Variants in PCDHA7 observed in about 807,000 individuals in gnomAD.
PCDHA7 encodes the protein protocadherin alpha 7.
In PCDHA7, 37 loss-of-function variants were observed where a neutral mutation model predicts 57.2. The ratio of observed to expected loss-of-function variants is 0.65; its 90% CI spans 0.50 to 0.85. The LOEUF (loss-of-function observed/expected upper bound fraction) is 0.85, where lower values mean the gene tolerates loss of function less well. Ranked by LOEUF, PCDHA7 falls within the 40% of genes least tolerant of loss-of-function variation. The pLI is 0.00. For missense variants in PCDHA7, 1,188 were observed against 1,241.8 expected (o/e 0.96, Z 0.65); for synonymous variants, 553 against 558.8 (o/e 0.99, Z 0.15).
chr5:140,921,932 TAATTTTACACTTGTAA>T (rs781950121), intron 1 of PCDHA7, among the ~76,000 whole-genome samples: 10 of 152,080 alleles, frequency 6.6e-5, no homozygotes, highest in Non-Finnish European at 1.5e-4. Flanking sequence ...ATAGTCAATA[TAATTTTACACTTGTAA>T]AATCCCAGAA....
Position 140,835,866 on chromosome 5 carries a change from G to T in PCDHA7, c.1483G>T (p.Val495Leu), listed in dbSNP as rs2150246890. ...QKNALVSYSL[V>L]ELRVGERALS... ...GAACGCGCTGGTGTCCTACTCGCTG[G>T]TGGAGCTGCGGGTGGGCGAGCGCGC... Residue 495 changes from valine (V) to leucine (L), a missense_variant, in exon 1 of 4, where the codon GTG becomes TTG. By Grantham distance (32) the Val-to-Leu change is conservative. Coordinates refer to ENST00000525929, the MANE Select transcript of PCDHA7 (RefSeq NM_018910.3). 1.9e-6 allele frequency: 3 copies of T among 1,612,132 alleles called. No homozygotes were observed. The highest frequency in any genetic ancestry group is 3.3e-5 in the Admixed American group (2 of 60,002).
intron 1 of PCDHA7, among the ~76,000 whole-genome samples, chr5:140,948,147 A>T (rs2094217534): frequency 6.6e-6 from 1 of 151,572 alleles, no homozygotes; most frequent in African/African-American, 2.4e-5. Context: ...TGATTTTTGA[A>T]TGTTGGAAAA....
rs2150360253 is a variant in PCDHA7, at chr5:140,843,448, C to T, written c.2355+6710C>T. ...TCATCGCCATCTGCGCGGTATCCAGCCTGCTGGTGCTCACGCTGCTGCTGT... is the reference window on the plus strand; with the variant it reads ...TCATCGCCATCTGCGCGGTATCCAGTCTGCTGGTGCTCACGCTGCTGCTGT... On this transcript the variant is annotated intron_variant, in intron 1 of 3. Transcript: ENST00000525929. The T allele has an allele frequency of 1.9e-6, 3 of 1,595,998 alleles. No homozygotes were observed. The South Asian group carries it at 3.3e-5, about 18-fold the overall frequency.
At chr5:140,987,262 G>A (rs563934474) in intron 3 of PCDHA7, among the ~76,000 whole-genome samples, 1 of 151,978 alleles carries the variant, frequency 6.6e-6, no homozygotes, top group South Asian at 2.1e-4. Context: ...TCTCAGGAAT[G>A]GGACCCGGCA....
In PCDHA7 at chr5:140,914,736, T is replaced by C. The variant is rs76155363; in HGVS notation, c.2356-64213T>C. Among the ~76,000 whole-genome samples, 1,216 of 152,300 alleles carry C rather than the reference T, an allele frequency of 8.0e-3. 6 individuals are homozygous for C. Among genetic ancestry groups the C allele is most frequent in the African/African-American group, 0.019 (785 of 41,570 alleles). On this transcript the variant is annotated intron_variant, in intron 1 of 3. Transcript: ENST00000525929. ...TTTTTTATTTTTTGTGTATCCATTG[T>C]ATGTTTTTCCATTTGAGGTTACATG...
rs57893927 is a variant in PCDHA7 at position 140,946,631 on chromosome 5, T to TATATATATATATACACAC, written c.2356-32317_2356-32316insTATATATATATACACACA. ...TGTGAAATATATATATATATATATA[T>TATATATATATATACACAC]ACAATGGAATACTCATCAGCCATTA... On this transcript the variant is annotated intron_variant, in intron 1 of 3. Transcript: ENST00000525929. Among the ~76,000 whole-genome samples the TATATATATATATACACAC allele has an allele frequency of 9.9e-5, 13 of 131,856 alleles. 1 individual carries two copies. The East Asian group carries it at 2.7e-3, about 27-fold the overall frequency. 86.5% of individuals were successfully genotyped at this position (131,856 alleles called of 152,430 possible). A position where few individuals can be genotyped will look rare whatever the true frequency, so the allele number is the denominator to read the frequency against.
intron 3 of PCDHA7, among the ~76,000 whole-genome samples, chr5:140,995,578 T>C (rs1554254730): frequency 1.3e-5 from 2 of 152,256 alleles, no homozygotes; most frequent in African/African-American, 4.8e-5. Flanking sequence ...AGATGAGCTA[T>C]GAGCTTTTAA....
intron 1 of PCDHA7, chr5:140,853,994 C>A (rs1157670229): frequency 4.2e-6 from 2 of 477,726 alleles, no homozygotes; most frequent in Non-Finnish European, 5.6e-6. Context: ...TGAGACTCAT[C>A]TCTGCCAAAA....
intron 1 of PCDHA7, chr5:140,870,876 G>T: frequency 1.2e-6 from 2 of 1,613,958 alleles, no homozygotes; most frequent in Non-Finnish European, 1.7e-6. Flanking sequence ...ACGTGGTGGC[G>T]AAGGTGCGCG....
chr5:140,955,951 T>C (rs529805581), intron 1 of PCDHA7, among the ~76,000 whole-genome samples: 12 of 152,248 alleles, frequency 7.9e-5, no homozygotes, highest in South Asian at 2.1e-4. Context: ...GTCTACTTGC[T>C]TGTTGTTTGT....
chr5:141,004,869 A>T (rs908726845), intron 3 of PCDHA7, among the ~76,000 whole-genome samples: 3 of 152,218 alleles, frequency 2.0e-5, no homozygotes, highest in Non-Finnish European at 2.9e-5. Flanking sequence ...TTTGTTTCTC[A>T]TCCCTAAAGT....
chr5:140,850,789 A>C, intron 1 of PCDHA7: 1 of 1,598,402 alleles, frequency 6.3e-7, no homozygotes, highest in Non-Finnish European at 8.6e-7. Flanking sequence ...GAGGGTAAGC[A>C]GAAGACCGAC....
intron 1 of PCDHA7, among the ~76,000 whole-genome samples, chr5:140,923,958 T>C (rs1447655640): frequency 1.3e-5 from 2 of 152,216 alleles, no homozygotes; most frequent in Admixed American, 6.5e-5. Context: ...CACGCCCTAA[T>C]CTATACCCAC....
intron 1 of PCDHA7, among the ~76,000 whole-genome samples, chr5:140,893,520 T>G (rs1490032872): frequency 6.6e-6 from 1 of 152,152 alleles, no homozygotes; most frequent in Non-Finnish European, 1.5e-5. Flanking sequence ...GTTGTAGAAC[T>G]CCTTTAAGTA....
Position 140,836,110 on chromosome 5 carries a change from C to T in PCDHA7, c.1727C>T (p.Ala576Val). The T allele has an allele frequency of 6.2e-7, 1 of 1,613,694 alleles. No homozygotes were observed. The highest frequency in any genetic ancestry group is 8.5e-7 in the Non-Finnish European group (1 of 1,179,782). The stretch of plus-strand genomic sequence containing the variant: ...CCTCGGGTGGGTGGCACTGGTGGCG[C>T]AGTGAGAGAGCTTGTGCCGCGGTCT... ...LAPRVGGTGG[A>V]VRELVPRSVG... The change falls in exon 1 of 4, where the codon GCA becomes GTA. Residue 576 changes from alanine to valine, a missense_variant. Ala to Val is a moderately conservative substitution (Grantham distance 64, BLOSUM62 0). Transcript: ENST00000525929.
At chr5:140,843,605 G>A (rs2150363310) in intron 1 of PCDHA7, 2 of 1,596,092 alleles carry the variant, frequency 1.3e-6, no homozygotes, top group East Asian at 2.2e-5. Flanking sequence ...GTGCTCTGGT[G>A]AGGGGCCACC....
intron 1 of PCDHA7, chr5:140,877,311 G>T: frequency 6.2e-7 from 1 of 1,613,970 alleles, no homozygotes. Flanking sequence ...AGTTGCAACC[G>T]GCGGCGGTCG....
rs782510264 is a variant in PCDHA7, at chr5:140,863,385, G to A, written c.2355+26647G>A. 4 of 1,030,862 alleles carry A rather than the reference G, an allele frequency of 3.9e-6. No homozygotes were observed. In the South Asian group the frequency reaches 4.9e-5, roughly 13 times the overall value. The allele number at this position is 1,030,862 out of a possible 1,614,324, so 63.9% of individuals were successfully genotyped here. ...GCTTGGCGCAGCTCACCGAGAGCTC[G>A]TGCATGCCGGGCAAGCCCACGCTGG... On this transcript the variant is annotated intron_variant, in intron 1 of 3. Transcript: ENST00000525929.
intron 1 of PCDHA7, chr5:140,850,791 A>G: frequency 1.3e-6 from 2 of 1,598,378 alleles, no homozygotes; most frequent in African/African-American, 2.7e-5. Context: ...GGGTAAGCAG[A>G]AGACCGACCT....
Sources: gnomAD v4.1 joint callset for allele counts (sites outside exome capture counted in the v4.1 genomes callset) on GRCh38, gnomAD v4.1.1 for gene constraint, MANE v1.5 for transcripts, NCBI Gene and HGNC (gene_info 2026-07-23, HGNC 2026-07-21) for gene names.